Variants in MEGF6 observed in about 807,000 individuals in gnomAD.
MEGF6 encodes the protein multiple EGF like domains 6.
A neutral mutation model predicts 207.1 loss-of-function variants in MEGF6; 184 were observed. The observed-to-expected ratio is 0.89, with a 90% CI of 0.79 to 1.00. The LOEUF is 1.00. Among genes scored for constraint, MEGF6 ranks in the 50% least tolerant of loss-of-function variants. The probability of loss-of-function intolerance (pLI) is 0.00; values close to 1 mark genes in which losing one functional copy is unlikely to be tolerated. For synonymous variants in MEGF6, 1,038 were observed against 910.0 expected, an observed-to-expected ratio of 1.14 and a Z score of -2.53; for missense variants, 2,282 against 2,202.9, an observed-to-expected ratio of 1.04 and a Z score of -0.72.
At chr1:3,575,631 C>CGTTTT (rs61057554) in intron 4 of MEGF6, among the ~76,000 whole-genome samples, 2 of 150,142 alleles carry the variant, frequency 1.3e-5, no homozygotes, top group East Asian at 4.0e-4. Flanking sequence ...GAGCAAGTCA[C>CGTTTT]ATCTTACATG....
At chr1:3,582,438 C>T (rs1643821979) in intron 3 of MEGF6, among the ~76,000 whole-genome samples, 1 of 152,166 alleles carries the variant, frequency 6.6e-6, no homozygotes, top group African/African-American at 2.4e-5. Context: ...TTGAACACAC[C>T]CACGTCTCTC....
chr1:3,509,783 G>A, intron 11 of MEGF6, 87 bp downstream of exon 11: 1 of 1,442,516 alleles, frequency 6.9e-7, no homozygotes, highest in South Asian at 1.4e-5. Flanking sequence ...GTGGGGGTGG[G>A]GTGGGCCAGG....
At chr1:3,547,034 T>C (rs1304497837) in intron 4 of MEGF6, 1 of 153,578 alleles carries the variant, frequency 6.5e-6, no homozygotes, top group Non-Finnish European at 1.4e-5. Context: ...AGCTGGTGGC[T>C]GGGGGGGGGC....
At chr1:3,621,327 A>C in the MEGF6 span, among the ~76,000 whole-genome samples, 1 of 152,198 alleles carries the variant, frequency 6.6e-6, no homozygotes, top group Admixed American at 6.5e-5. Flanking sequence ...TTACCGCTAG[A>C]CCAAGGAGCC....
At chr1:3,530,936 G>T in intron 4 of MEGF6, 1 of 1,153,000 alleles carries the variant, frequency 8.7e-7, no homozygotes, top group Non-Finnish European at 1.1e-6. Context: ...AGAAGCAGGC[G>T]CGCCTGCCGG....
Position 3,560,822 on chromosome 1 carries a change from C to T in MEGF6, c.481+19003G>A, listed in dbSNP as rs753493803. On this transcript the variant is annotated intron_variant, in intron 4 of 36. Coordinates refer to ENST00000356575, the MANE Select transcript of MEGF6 (RefSeq NM_001409.4). This position sits in a 1 kb window ranked among gnomAD's most constrained non-coding sequence, Gnocchi z 4.0. ...AGCCACCGGAGCAGCCAGGAACAGC[C>T]TCAGGCGTCGGCCGCGAGGGGGTTG... 6.9e-5 allele frequency: 32 copies of T among 461,732 alleles called. No individual in the cohort carries two copies. The highest frequency in any genetic ancestry group is 4.4e-4 in the South Asian group (28 of 63,300). 28.6% of individuals were successfully genotyped at this position (461,732 alleles called of 1,614,324 possible).
intron 4 of MEGF6, among the ~76,000 whole-genome samples, chr1:3,564,362 G>A (rs551525046): frequency 3.8e-4 from 58 of 152,002 alleles, no homozygotes; most frequent in South Asian, 6.2e-4. Flanking sequence ...GGAGGGGTCA[G>A]TAAAGCGGGG....
intron 3 of MEGF6, among the ~76,000 whole-genome samples, chr1:3,592,209 G>A (rs951314787): frequency 6.6e-6 from 1 of 152,212 alleles, no homozygotes; most frequent in Admixed American, 6.5e-5. Flanking sequence ...AGGTCCCGGC[G>A]TGCAGCCCAC....
the MEGF6 span, chr1:3,623,194 C>A: frequency 6.6e-6 from 1 of 151,250 alleles, no homozygotes. Flanking sequence ...CCTTCTCCTC[C>A]CTCTTTCTCC....
rs767071419 is a variant in MEGF6 at position 3,490,593 on chromosome 1, G to A, written c.4565-4C>T. ...CTGGAGGCGGGCAGTGTGCCCGCTGGGGAAAAGGAGAAAAGAGGGCCAGTC... is the reference window on the plus strand; with the variant it reads ...CTGGAGGCGGGCAGTGTGCCCGCTGAGGAAAAGGAGAAAAGAGGGCCAGTC... On this transcript the variant is annotated splice_region_variant and splice_polypyrimidine_tract_variant and intron_variant, in intron 36 of 36. Coordinates refer to ENST00000356575, the MANE Select transcript of MEGF6 (RefSeq NM_001409.4). 2 of 1,613,000 alleles carry A rather than the reference G, an allele frequency of 1.2e-6. No individual in the cohort carries two copies. The highest frequency in any genetic ancestry group is 2.2e-5 in the South Asian group (2 of 91,050).
intron 1 of MEGF6, among the ~76,000 whole-genome samples, chr1:3,607,011 C>G (rs1420416371): frequency 1.3e-5 from 2 of 152,086 alleles, no homozygotes; most frequent in African/African-American, 4.8e-5. Flanking sequence ...TCTCTGAGCC[C>G]TCAATTCAGC....
rs1231839132 is a variant in MEGF6 at position 3,498,784 on chromosome 1, C to A, written c.3137G>T (p.Cys1046Phe). 6.4e-7 allele frequency: 1 copy of A among 1,556,574 alleles called. No homozygotes were observed. The highest frequency in any genetic ancestry group is 2.4e-5 in the East Asian group (1 of 41,594). Reference sequence around the variant, plus strand: ...ACAGGTCCCTCCGTTCTGGCAGAGGCAGGAATGCCGACAGTTGTCGCCGTA... The same window carrying A: ...ACAGGTCCCTCCGTTCTGGCAGAGGAAGGAATGCCGACAGTTGTCGCCGTA... ...GLYGDNCRHS[C>F]LCQNGGTCDP... The change falls in exon 25 of 37, where the codon TGC (cysteine) becomes TTC (phenylalanine). Residue 1046 changes from cysteine to phenylalanine, a missense_variant. Cys to Phe is a radical substitution (Grantham distance 205). Transcript: ENST00000356575.
intron 4 of MEGF6, among the ~76,000 whole-genome samples, chr1:3,555,120 C>T (rs1333726425): frequency 1.3e-5 from 2 of 152,348 alleles, no homozygotes; most frequent in East Asian, 1.9e-4. Flanking sequence ...ACCCCACGCA[C>T]GGGGCCTGCT....
At chr1:3,558,804 G>A (rs1049898267) in intron 4 of MEGF6, among the ~76,000 whole-genome samples, 1 of 152,196 alleles carries the variant, frequency 6.6e-6, no homozygotes, top group Non-Finnish European at 1.5e-5. Flanking sequence ...CTTGTTTGCA[G>A]CGCTGAGCAC....
intron 2 of MEGF6, among the ~76,000 whole-genome samples, chr1:3,595,742 C>T (rs1357597082): frequency 1.3e-5 from 2 of 152,186 alleles, no homozygotes; most frequent in Non-Finnish European, 2.9e-5. Flanking sequence ...TCCCTCCCGA[C>T]GGTGGTCCTG....
intron 4 of MEGF6, among the ~76,000 whole-genome samples, chr1:3,572,503 G>A (rs1213050199): frequency 2.0e-5 from 3 of 148,214 alleles, no homozygotes; most frequent in Non-Finnish European, 4.5e-5. Flanking sequence ...GTCCTCCCGG[G>A]TGTGCTGAGT....
chr1:3,498,319 C>A, intron 26 of MEGF6, 52 bp downstream of exon 26: 1 of 1,563,234 alleles, frequency 6.4e-7, no homozygotes, highest in South Asian at 1.1e-5. Context: ...AGGCTGATGC[C>A]ACCCCTTCCC....
intron 4 of MEGF6, among the ~76,000 whole-genome samples, chr1:3,540,930 G>A (rs1353227055): frequency 3.3e-5 from 5 of 152,210 alleles, no homozygotes; most frequent in African/African-American, 7.2e-5. Flanking sequence ...ACTAAGGGCT[G>A]GGCGCTTCTG....
intron 4 of MEGF6, among the ~76,000 whole-genome samples, chr1:3,536,231 C>T (rs1316143182): frequency 6.6e-6 from 1 of 152,170 alleles, no homozygotes; most frequent in Non-Finnish European, 1.5e-5. Flanking sequence ...GGCTGGACCC[C>T]CCTACCCCTG....
Sources: gnomAD v4.1 joint callset for allele counts (sites outside exome capture counted in the v4.1 genomes callset) on GRCh38, gnomAD v4.1.1 for gene constraint, Gnocchi (gnomAD v3.1) non-coding constraint, MANE v1.5 for transcripts, NCBI Gene and HGNC (gene_info 2026-07-23, HGNC 2026-07-21) for gene names.